The following FDX1 variants were observed in gnomAD, a reference collection of about 807,000 sequenced individuals.
FDX1 encodes ferredoxin 1, also known as adrenodoxin, mitochondrial.
A neutral mutation model predicts 14.9 loss-of-function variants in FDX1; 9 were observed. The ratio of observed to expected loss-of-function variants is 0.60; its 90% CI spans 0.36 to 1.05. FDX1 has a LOEUF of 1.05. FDX1 is among the 50% of genes least tolerant of loss of function. FDX1 has a pLI of 0.01. For synonymous variants in FDX1, 92 were observed against 99.4 expected, an observed-to-expected ratio of 0.93 and a Z score of 0.44; for missense variants, 204 against 237.2, an observed-to-expected ratio of 0.86 and a Z score of 0.92.
chr11:110,461,737 C>T (rs1946558075), intron 3 of FDX1, among the ~76,000 whole-genome samples: 1 of 152,080 alleles, frequency 6.6e-6, no homozygotes, highest in Non-Finnish European at 1.5e-5. Flanking sequence ...GTTGAAGAGA[C>T]CCCTGTATGA....
Position 110,464,613 on chromosome 11 carries a change from T to C in FDX1, c.*2145T>C, listed in dbSNP as rs574117382. ...GGCAATTTAATTTCAAGATGAGTTTTGGAGGGGACATTCAAACCATAGCAG... is the reference window on the plus strand; with the variant it reads ...GGCAATTTAATTTCAAGATGAGTTTCGGAGGGGACATTCAAACCATAGCAG... On this transcript the variant is annotated 3_prime_UTR_variant, in exon 4 of 4. Coordinates refer to ENST00000260270, the MANE Select transcript of FDX1 (RefSeq NM_004109.5). 2.0e-5 allele frequency: 3 copies of C among 152,314 alleles called. No homozygotes were observed. In the East Asian group the frequency reaches 5.8e-4, roughly 29 times the overall value. The allele number at this position is 152,314 out of a possible 1,614,324, so 9.4% of individuals were successfully genotyped here.
intron 2 of FDX1, among the ~76,000 whole-genome samples, chr11:110,437,274 G>A (rs966998003): frequency 6.6e-6 from 1 of 152,166 alleles, no homozygotes; most frequent in African/African-American, 2.4e-5. Context: ...CATTACAGGC[G>A]TGAGCCACCA....
chr11:110,451,635 G>A (rs1238623571), intron 2 of FDX1, among the ~76,000 whole-genome samples: 1 of 152,136 alleles, frequency 6.6e-6, no homozygotes, highest in Admixed American at 6.5e-5. Context: ...ATACGTGCAT[G>A]TATATGTTCA....
Position 110,430,001 on chromosome 11 carries a change from C to T in FDX1, c.-120C>T. On this transcript the variant is annotated 5_prime_UTR_variant, in exon 1 of 4. Coordinates refer to ENST00000260270, the MANE Select transcript of FDX1 (RefSeq NM_004109.5). The stretch of plus-strand genomic sequence containing the variant: ...CAGGGTCTCTCCGCCACTCCAGCCC[C>T]GCGCCCCTCGCCGCGGCCCTCGGGC... 3.1e-6 allele frequency: 2 copies of T among 648,614 alleles called. No individual in the cohort carries two copies. Among genetic ancestry groups the T allele is most frequent in the East Asian group, 4.1e-5 (1 of 24,680 alleles). The allele number at this position is 648,614 out of a possible 1,614,324, so 40.2% of individuals were successfully genotyped here.
chr11:110,435,820 G>GTT lies in FDX1; in HGVS notation c.186-6_186-5dup. ...AAATTACTAAAAATACTAAAGGACT[G>GTT]TTTTTTTTTCCAGCTCAGAAGATAA... On this transcript the variant is annotated splice_polypyrimidine_tract_variant and intron_variant, in intron 1 of 3. Coordinates refer to ENST00000260270, the MANE Select transcript of FDX1 (RefSeq NM_004109.5). 2.6e-6 allele frequency: 4 copies of GTT among 1,542,634 alleles called. No homozygotes were observed. The highest frequency in any genetic ancestry group is 3.5e-6 in the Non-Finnish European group (4 of 1,133,830).
At chr11:110,435,770 A>G in intron 1 of FDX1, 64 bp from the exon 2 acceptor site, 3 of 1,358,708 alleles carry the variant, frequency 2.2e-6, no homozygotes, top group Non-Finnish European at 3.0e-6. Flanking sequence ...AGGCTTTTAA[A>G]CCAATTATTT....
intron 2 of FDX1, among the ~76,000 whole-genome samples, chr11:110,445,011 T>C (rs940444810): frequency 6.6e-6 from 1 of 151,762 alleles, no homozygotes; most frequent in Non-Finnish European, 1.5e-5. Context: ...ATAGTTTTTT[T>C]ATAATTCTGT....
rs201253319 is a variant in FDX1, at chr11:110,444,318, A to G, written c.310+8360A>G. On this transcript the variant is annotated intron_variant, in intron 2 of 3. Coordinates refer to ENST00000260270, the MANE Select transcript of FDX1 (RefSeq NM_004109.5). ...ACCATTATTGAATACGGAGTCTCTTAAAAAGAGTAAGTGCTGTCCGGGCGC... is the reference window on the plus strand; with the variant it reads ...ACCATTATTGAATACGGAGTCTCTTGAAAAGAGTAAGTGCTGTCCGGGCGC... Among the ~76,000 whole-genome samples the G allele has an allele frequency of 4.6e-5, 7 of 152,118 alleles. No individual in the cohort carries two copies. The East Asian group carries it at 1.2e-3, about 25-fold the overall frequency.
intron 2 of FDX1, among the ~76,000 whole-genome samples, chr11:110,447,414 A>G (rs570857747): frequency 6.6e-6 from 1 of 151,782 alleles, no homozygotes; most frequent in South Asian, 2.1e-4. Flanking sequence ...AGATTGCACC[A>G]CTGTACTCCA....
chr11:110,430,343 G>C, intron 1 of FDX1, 38 bp downstream of exon 1: 2 of 1,169,134 alleles, frequency 1.7e-6, no homozygotes, highest in Middle Eastern at 3.4e-4. Flanking sequence ...GGCGCGGGCC[G>C]GGGTCCCCGG....
At chr11:110,439,222 C>T (rs1322524468) in intron 2 of FDX1, among the ~76,000 whole-genome samples, 1 of 151,436 alleles carries the variant, frequency 6.6e-6, no homozygotes. Context: ...TTCCCCCCAA[C>T]CCCGAGACGG....
intron 3 of FDX1, among the ~76,000 whole-genome samples, chr11:110,461,832 C>T (rs879382026): frequency 1.3e-5 from 2 of 152,170 alleles, no homozygotes; most frequent in Non-Finnish European, 2.9e-5. Context: ...TTTTAAGATG[C>T]TTCTTGATTT....
In FDX1 at chr11:110,464,276, T is replaced by TAAC. The variant is rs989278045; in HGVS notation, c.*1810_*1812dup. 8 of 152,162 alleles carry TAAC rather than the reference T, an allele frequency of 5.3e-5. No homozygotes were observed. The highest frequency in any genetic ancestry group is 7.3e-5 in the Non-Finnish European group (5 of 68,030). 9.4% of individuals were successfully genotyped at this position (152,162 alleles called of 1,614,324 possible). A position where few individuals can be genotyped will look rare whatever the true frequency, so the allele number is the denominator to read the frequency against. ...TTAATTTTCTGTTGCTATAATAGAA[T>TAAC]AACACAGACTGGGTAATTTATAAAG... On this transcript the variant is annotated 3_prime_UTR_variant, in exon 4 of 4. Transcript: ENST00000260270.
intron 2 of FDX1, among the ~76,000 whole-genome samples, chr11:110,449,208 T>C (rs1946470898): frequency 2.0e-5 from 3 of 152,232 alleles, no homozygotes; most frequent in African/African-American, 7.2e-5. Flanking sequence ...GCACTCTGAA[T>C]TGTTAGCCAG....
rs201421232 is a variant in FDX1, at chr11:110,456,903, T to G, written c.311-15T>G. 10 of 1,606,802 alleles carry G rather than the reference T, an allele frequency of 6.2e-6. No individual in the cohort carries two copies. Among genetic ancestry groups the G allele is most frequent in the Non-Finnish European group, 8.5e-6 (10 of 1,176,132 alleles). On this transcript the variant is annotated splice_polypyrimidine_tract_variant and intron_variant, in intron 2 of 3. Transcript: ENST00000260270. ...TGTAGAAGGGACTATGTTCAGTGTT[T>G]GTTGCTTTTGTCAGGTGCATGTGAG...
At chr11:110,453,258 A>G (rs776464269) in intron 2 of FDX1, among the ~76,000 whole-genome samples, 9 of 152,184 alleles carry the variant, frequency 5.9e-5, no homozygotes, top group Non-Finnish European at 1.2e-4. Context: ...GAATCACTTG[A>G]ACCCGGGAGG....
At chr11:110,435,803 A>G in intron 1 of FDX1, 31 bp from the exon 2 acceptor site, 1 of 1,533,322 alleles carries the variant, frequency 6.5e-7, no homozygotes, top group Middle Eastern at 2.1e-4. Context: ...TGAAATTACT[A>G]AAAATACTAA....
intron 3 of FDX1, among the ~76,000 whole-genome samples, chr11:110,459,539 G>A (rs1451389972): frequency 6.6e-6 from 1 of 152,156 alleles, no homozygotes; most frequent in Admixed American, 6.5e-5. Flanking sequence ...AGCTGTGTTG[G>A]GCCCCAAAGC....
intron 3 of FDX1, among the ~76,000 whole-genome samples, chr11:110,460,218 T>G (rs1056659257): frequency 9.9e-6 from 1 of 101,246 alleles, no homozygotes; most frequent in Non-Finnish European, 2.0e-5. Context: ...TAGAGGGGAT[T>G]TTTTTTCTAT....
Sources: allele counts gnomAD v4.1 joint callset (sites outside exome capture counted in the v4.1 genomes callset), GRCh38; gene constraint gnomAD v4.1.1; transcripts MANE v1.5; gene names NCBI Gene and HGNC (gene_info 2026-07-23, HGNC 2026-07-21).